The following TTBK2 variants were observed in gnomAD, a reference collection of about 807,000 sequenced individuals.
The protein encoded by TTBK2 is tau-tubulin kinase 2.
Under a neutral mutation model 110.8 loss-of-function variants are expected in TTBK2, and 28 were observed. That is an observed-to-expected ratio of 0.25 (90% CI 0.19 to 0.35). The LOEUF (loss-of-function observed/expected upper bound fraction) is 0.35, where lower values mean the gene tolerates loss of function less well. Among genes scored for constraint, TTBK2 ranks in the 10% least tolerant of loss-of-function variants. The pLI, the probability that TTBK2 is intolerant of heterozygous loss-of-function variation, is 1.00. For synonymous variants in TTBK2, 532 were observed against 527.3 expected (o/e 1.01, Z -0.12); for missense variants, 1,369 against 1,500.3 (o/e 0.91, Z 1.45).
At chr15:42,845,349 C>T (rs1028994198) in intron 3 of TTBK2, among the ~76,000 whole-genome samples, 27 of 152,040 alleles carry the variant, frequency 1.8e-4, no homozygotes, top group African/African-American at 6.5e-4. Flanking sequence ...CCAAAATCCA[C>T]CAATGCTCAA....
At chr15:42,769,074 T>C (rs909795381) in intron 13 of TTBK2, among the ~76,000 whole-genome samples, 13 of 152,130 alleles carry the variant, frequency 8.5e-5, no homozygotes, top group African/African-American at 4.8e-5. Context: ...AAAGTTGAAA[T>C]TGGATCCCTT....
At chr15:42,842,322 TGAGGGCAGAA>T (rs1893253078) in intron 3 of TTBK2, among the ~76,000 whole-genome samples, 1 of 152,092 alleles carries the variant, frequency 6.6e-6, no homozygotes. Flanking sequence ...GAACACTTTA[TGAGGGCAGAA>T]GTGGACATTG....
intron 3 of TTBK2, among the ~76,000 whole-genome samples, chr15:42,848,711 A>C (rs1399811344): frequency 6.6e-6 from 1 of 152,178 alleles, no homozygotes; most frequent in Non-Finnish European, 1.5e-5. Context: ...GCTGGTCTCG[A>C]ACTCCTGACC....
At chr15:42,758,382 G>A (rs1210878107) in intron 13 of TTBK2, among the ~76,000 whole-genome samples, 2 of 152,024 alleles carry the variant, frequency 1.3e-5, no homozygotes, top group Admixed American at 6.6e-5. Flanking sequence ...TAGGCTGGGC[G>A]CGGTGGCTCA....
chr15:42,858,386 C>T (rs1894027110), intron 3 of TTBK2, among the ~76,000 whole-genome samples: 2 of 151,816 alleles, frequency 1.3e-5, no homozygotes, highest in South Asian at 2.1e-4. Flanking sequence ...ACTCCAGAAA[C>T]GTGGGGAAAA....
intron 13 of TTBK2, among the ~76,000 whole-genome samples, chr15:42,769,426 AC>A (rs1567012649): frequency 6.6e-6 from 1 of 152,140 alleles, no homozygotes; most frequent in East Asian, 1.9e-4. Flanking sequence ...GACAAAAACA[AC>A]CCCAACAAAA....
At chr15:42,776,909 A>C (rs1167779125) in intron 12 of TTBK2, 122 bp downstream of exon 12, 1 of 1,035,154 alleles carries the variant, frequency 9.7e-7, no homozygotes, top group African/African-American at 1.6e-5. Flanking sequence ...TGTTACAAAA[A>C]TGCAAGGATT....
In TTBK2 at chr15:42,746,188, A is replaced by C; in HGVS notation, c.3342T>G (p.Ile1114Met). The change falls in exon 15 of 15, where the codon ATT becomes ATG. Residue 1114 changes from isoleucine to methionine, a missense_variant. Around this residue, in one of 4 missense-constraint regions of TTBK2, gnomAD observed 1,097 missense variants for 1,114.7 expected, o/e 0.98. Transcript: ENST00000267890. ...GGGGTTTCTGAGATCCATTTTGAAG[A>C]ATTTGGGCCAGGCGGGAGAAAAGGT... ...DSDLFSRLAQ[I>M]LQNGSQKPRS... 1 of 1,614,104 alleles carries C rather than the reference A, an allele frequency of 6.2e-7. No individual in the cohort carries two copies.
intron 1 of TTBK2, among the ~76,000 whole-genome samples, chr15:42,899,421 C>A (rs1895795230): frequency 6.6e-6 from 1 of 151,674 alleles, no homozygotes. Flanking sequence ...CATGGTGAAA[C>A]CCCATCTCAA....
At chr15:42,899,114 T>C (rs1411310613) in intron 1 of TTBK2, among the ~76,000 whole-genome samples, 1 of 152,048 alleles carries the variant, frequency 6.6e-6, no homozygotes, top group African/African-American at 2.4e-5. Flanking sequence ...TACCTCAGCC[T>C]CCTGAGAAGC....
intron 3 of TTBK2, among the ~76,000 whole-genome samples, chr15:42,868,335 C>A (rs986740781): frequency 2.0e-5 from 3 of 151,892 alleles, no homozygotes; most frequent in African/African-American, 4.8e-5. Context: ...AAGAGTGAAC[C>A]CTATTGTAAA....
intron 9 of TTBK2, among the ~76,000 whole-genome samples, chr15:42,806,817 A>AT (rs541566517): frequency 0.24 from 35,159 of 143,968 alleles, 4,921 homozygotes; most frequent in African/African-American, 0.4. Context: ...TTTTTTTGTG[A>AT]TTTTTTTTTT....
At chr15:42,802,398 G>A (rs1377471005) in intron 9 of TTBK2, 3 of 752,266 alleles carry the variant, frequency 4.0e-6, no homozygotes, top group Non-Finnish European at 7.3e-6. Context: ...GGGTCACCCT[G>A]ATGGACATGG....
intron 13 of TTBK2, among the ~76,000 whole-genome samples, chr15:42,761,069 C>T (rs896154445): frequency 2.0e-5 from 3 of 152,166 alleles, no homozygotes; most frequent in African/African-American, 7.2e-5. Context: ...GGCACCACAG[C>T]ATTCACTGGG....
intron 6 of TTBK2, among the ~76,000 whole-genome samples, chr15:42,826,534 A>G (rs1013987341): frequency 1.3e-5 from 2 of 152,210 alleles, no homozygotes; most frequent in Non-Finnish European, 2.9e-5. Context: ...TAGACTGTAA[A>G]CTACTCTTGT....
intron 14 of TTBK2, among the ~76,000 whole-genome samples, chr15:42,750,890 A>T (rs2061856091): frequency 6.6e-6 from 1 of 152,218 alleles, no homozygotes; most frequent in Admixed American, 6.5e-5. Context: ...TTCTCATCAG[A>T]AACATTGAGG....
chr15:42,831,892 T>C (rs1310467148), intron 4 of TTBK2, among the ~76,000 whole-genome samples: 1 of 152,216 alleles, frequency 6.6e-6, no homozygotes, highest in African/African-American at 2.4e-5. Flanking sequence ...ATGTGACTAA[T>C]ATCATCACTT....
At position 42,743,308 on chromosome 15, in the gene TTBK2, G is replaced by A. The variant is rs1212899842; in HGVS notation, c.*2487C>T. The A allele has an allele frequency of 1.3e-5, 2 of 151,840 alleles. No individual in the cohort carries two copies. Among genetic ancestry groups the A allele is most frequent in the African/African-American group, 4.8e-5 (2 of 41,444 alleles). The allele number at this position is 151,840 out of a possible 1,614,324, so 9.4% of individuals were successfully genotyped here. ...AAAATGGAAGGAACCAAGAAAGAGA[G>A]AAAACATTCAGTTGCCACATTCCCA... On this transcript the variant is annotated 3_prime_UTR_variant, in exon 15 of 15. Coordinates refer to ENST00000267890, the MANE Select transcript of TTBK2 (RefSeq NM_173500.4).
intron 5 of TTBK2, among the ~76,000 whole-genome samples, chr15:42,828,453 C>A (rs1299675587): frequency 5.3e-5 from 8 of 151,026 alleles, no homozygotes; most frequent in Non-Finnish European, 8.8e-5. Flanking sequence ...CGGTGACTCA[C>A]GCCTATACTC....
Sources: allele counts gnomAD v4.1 joint callset (sites outside exome capture counted in the v4.1 genomes callset), GRCh38; gene constraint gnomAD v4.1.1; regional missense constraint gnomAD v4.1.1; transcripts MANE v1.5; gene names NCBI Gene and HGNC (gene_info 2026-07-23, HGNC 2026-07-21).